The following SLCO1B1 variants were observed in gnomAD, a reference collection of about 807,000 sequenced individuals.
SLCO1B1 encodes solute carrier organic anion transporter family member 1B1.
In SLCO1B1, 81 loss-of-function variants were observed where a neutral mutation model predicts 70.1. That is an observed-to-expected ratio of 1.16 (90% CI 0.97 to 1.39). The LOEUF is 1.39. Ranked by LOEUF, SLCO1B1 falls within the 40% of genes most tolerant of loss-of-function variation. The pLI, the probability that SLCO1B1 is intolerant of heterozygous loss-of-function variation, is 0.00. For missense variants in SLCO1B1, 895 were observed against 799.6 expected (o/e 1.12, Z -1.44); for synonymous variants, 283 against 271.5 (o/e 1.04, Z -0.42).
chr12:21,146,895 G>C (rs1940392667), intron 2 of SLCO1B1, among the ~76,000 whole-genome samples: 1 of 152,098 alleles, frequency 6.6e-6, no homozygotes, highest in Non-Finnish European at 1.5e-5. Flanking sequence ...TGTGTATTCT[G>C]TTGTTGTTGG....
In SLCO1B1 at chr12:21,174,906, AC is replaced by A. The variant is rs71581980; in HGVS notation, c.359+198del. 7.8e-3 allele frequency among the ~76,000 whole-genome samples: 1,190 copies of A among 152,306 alleles called. 5 individuals are homozygous for A. Among genetic ancestry groups the A allele is most frequent in the Middle Eastern group, 0.017 (5 of 294 alleles). On this transcript the variant is annotated intron_variant, in intron 4 of 14. Coordinates refer to ENST00000256958, the MANE Select transcript of SLCO1B1 (RefSeq NM_006446.5). The stretch of plus-strand genomic sequence containing the variant: ...CGTAGCTTTCATATACTTTGAAATA[AC>A]AAAAAGACTAAACTGTAGAGTTTCA...
At chr12:21,220,074 T>C (rs1423120367) in intron 12 of SLCO1B1, among the ~76,000 whole-genome samples, 1 of 152,180 alleles carries the variant, frequency 6.6e-6, no homozygotes, top group Non-Finnish European at 1.5e-5. Flanking sequence ...GTTTTATTTT[T>C]TAATGCAAAG....
chr12:21,135,295 A>G (rs1384999077), intron 1 of SLCO1B1, among the ~76,000 whole-genome samples: 2 of 152,196 alleles, frequency 1.3e-5, no homozygotes, highest in Non-Finnish European at 2.9e-5. Flanking sequence ...TGGTGCTGAA[A>G]AGAATGTATA....
chr12:21,217,325 A>G, intron 12 of SLCO1B1, 22 bp downstream of exon 12: 1 of 1,588,928 alleles, frequency 6.3e-7, no homozygotes. Context: ...TTTTAAAAAC[A>G]TTTTCATATG....
chr12:21,179,969 A>G (rs553858939), intron 7 of SLCO1B1, among the ~76,000 whole-genome samples: 5 of 152,222 alleles, frequency 3.3e-5, no homozygotes, highest in African/African-American at 1.2e-4. Flanking sequence ...CTCACCTCCC[A>G]TCCACTTCTA....
At chr12:21,190,387 T>C (rs1032618421) in intron 7 of SLCO1B1, among the ~76,000 whole-genome samples, 7 of 152,142 alleles carry the variant, frequency 4.6e-5, no homozygotes, top group African/African-American at 1.7e-4. Flanking sequence ...AGCCACTCTT[T>C]CACCACATAC....
intron 12 of SLCO1B1, 78 bp from the exon 13 acceptor site, chr12:21,222,222 C>A: frequency 1.6e-6 from 1 of 640,134 alleles, no homozygotes; most frequent in Non-Finnish European, 2.7e-6. Context: ...AGAAAAACAA[C>A]ACAGGAGAAG....
chr12:21,174,196 C>G (rs1940791183), intron 3 of SLCO1B1, among the ~76,000 whole-genome samples: 1 of 152,062 alleles, frequency 6.6e-6, no homozygotes, highest in African/African-American at 2.4e-5. Context: ...ATTTCTGGCT[C>G]TGAGCTTCAT....
rs535236408 is a variant in SLCO1B1 at position 21,161,739 on chromosome 12, G to A, written c.85-10911G>A. ...GTCAAATTAAAAAAAAAAGATTTTA[G>A]ACTCACACTTATAATCATAGCACTT... On this transcript the variant is annotated intron_variant, in intron 2 of 14. Transcript: ENST00000256958. 1.1e-4 allele frequency among the ~76,000 whole-genome samples: 16 copies of A among 152,060 alleles called. No individual in the cohort carries two copies. The South Asian group carries it at 3.1e-3, about 30-fold the overall frequency.
intron 2 of SLCO1B1, among the ~76,000 whole-genome samples, chr12:21,160,443 G>A (rs1160589233): frequency 6.6e-6 from 1 of 151,404 alleles, no homozygotes; most frequent in Non-Finnish European, 1.5e-5. Flanking sequence ...ATTGAAATTG[G>A]ACCCCTTCCT....
intron 14 of SLCO1B1, among the ~76,000 whole-genome samples, chr12:21,226,177 G>A (rs952747233): frequency 1.3e-5 from 2 of 152,136 alleles, no homozygotes; most frequent in African/African-American, 4.8e-5. Context: ...CACTTTGGGA[G>A]GCCAAGGTGG....
intron 1 of SLCO1B1, among the ~76,000 whole-genome samples, chr12:21,135,320 G>A (rs1940202184): frequency 6.6e-6 from 1 of 152,150 alleles, no homozygotes; most frequent in Non-Finnish European, 1.5e-5. Flanking sequence ...GTTGATTTGG[G>A]GTGGAGAGTT....
rs556524705 is a variant in SLCO1B1, at chr12:21,172,675, G to C, written c.110G>C (p.Ser37Thr). Residue 37 changes from serine (S) to threonine (T), a missense_variant, in exon 3 of 15, where the codon AGC (serine) becomes ACC (threonine). Transcript: ENST00000256958. ...LKMFLAALSLSFIAKTLGAII... is the reference protein window; with the variant it reads ...LKMFLAALSLTFIAKTLGAII... ...ATGTTCTTGGCAGCTCTGTCACTCA[G>C]CTTTATTGCTAAGACACTAGGTGCA... 10 of 1,613,786 alleles carry C rather than the reference G, an allele frequency of 6.2e-6. 1 individual carries two copies. In the African/African-American group the frequency reaches 1.2e-4, roughly 19 times the overall value.
chr12:21,209,052 A>C (rs1039187823), intron 11 of SLCO1B1, among the ~76,000 whole-genome samples: 1 of 150,758 alleles, frequency 6.6e-6, no homozygotes, highest in Non-Finnish European at 1.5e-5. Flanking sequence ...TTTTTAATTA[A>C]TTAATTTATT....
At chr12:21,203,253 T>C (rs1164199472) in intron 10 of SLCO1B1, among the ~76,000 whole-genome samples, 2 of 152,068 alleles carry the variant, frequency 1.3e-5, no homozygotes, top group African/African-American at 4.8e-5. Context: ...TTATCTACAT[T>C]GGAAGTAGCA....
chr12:21,141,247 G>C (rs1940303168), intron 1 of SLCO1B1, among the ~76,000 whole-genome samples: 1 of 146,038 alleles, frequency 6.8e-6, no homozygotes, highest in African/African-American at 2.4e-5. Flanking sequence ...ATGTAATCTG[G>C]TGTGTGATTC....
intron 1 of SLCO1B1, among the ~76,000 whole-genome samples, chr12:21,136,909 G>C (rs1415595989): frequency 6.6e-6 from 1 of 152,128 alleles, no homozygotes; most frequent in Admixed American, 6.5e-5. Context: ...GAGGCGCTCT[G>C]ATCTTTAGAG....
chr12:21,176,685 C>A, intron 4 of SLCO1B1, 91 bp from the exon 5 acceptor site: 2 of 1,027,088 alleles, frequency 1.9e-6, no homozygotes, highest in Non-Finnish European at 3.0e-6. Flanking sequence ...GATAATGGTG[C>A]AAATAAAGGG....
intron 14 of SLCO1B1, among the ~76,000 whole-genome samples, chr12:21,227,203 G>C (rs1213670545): frequency 6.6e-6 from 1 of 152,022 alleles, no homozygotes; most frequent in African/African-American, 2.4e-5. Flanking sequence ...AATATCTCTT[G>C]ATAAGGGAGT....
Sources: gnomAD v4.1 joint callset for allele counts (sites outside exome capture counted in the v4.1 genomes callset) on GRCh38, gnomAD v4.1.1 for gene constraint, MANE v1.5 for transcripts, NCBI Gene and HGNC (gene_info 2026-07-23, HGNC 2026-07-21) for gene names.